Variants in THEMIS observed in about 807,000 individuals in gnomAD.
THEMIS encodes the protein protein THEMIS.
In THEMIS, 37 loss-of-function variants were observed where a neutral mutation model predicts 52.6. The ratio of observed to expected loss-of-function variants is 0.70; its 90% CI spans 0.54 to 0.93. The LOEUF (loss-of-function observed/expected upper bound fraction) is 0.93, where lower values mean the gene tolerates loss of function less well. Among genes scored for constraint, THEMIS ranks in the 40% least tolerant of loss-of-function variants. The pLI is 0.00. For synonymous variants in THEMIS, 292 were observed against 272.7 expected (o/e 1.07, Z -0.70); for missense variants, 808 against 763.1 (o/e 1.06, Z -0.69).
intron 2 of THEMIS, among the ~76,000 whole-genome samples, chr6:127,833,738 A>C (rs1041433404): frequency 6.6e-6 from 1 of 152,148 alleles, no homozygotes; most frequent in Non-Finnish European, 1.5e-5. Flanking sequence ...AGATGAATAG[A>C]GATACTTGAG....
At chr6:127,834,291 C>T (rs1176857969) in intron 2 of THEMIS, among the ~76,000 whole-genome samples, 1 of 151,948 alleles carries the variant, frequency 6.6e-6, no homozygotes, top group Admixed American at 6.6e-5. Context: ...TGATTTGGGG[C>T]CAGGCGTGGT....
At chr6:127,701,722 T>C in the THEMIS span, among the ~76,000 whole-genome samples, 3 of 152,196 alleles carry the variant, frequency 2.0e-5, no homozygotes, top group Non-Finnish European at 4.4e-5. Context: ...AAAAAAACTT[T>C]TAGCCATCTG....
intron 2 of THEMIS, among the ~76,000 whole-genome samples, chr6:127,854,705 G>A (rs1779556999): frequency 6.6e-6 from 1 of 151,768 alleles, no homozygotes; most frequent in African/African-American, 2.4e-5. Flanking sequence ...TAGTTCTACA[G>A]AATTTATGAA....
At chr6:127,728,021 G>A (rs919147026) in intron 4 of THEMIS, among the ~76,000 whole-genome samples, 1 of 152,064 alleles carries the variant, frequency 6.6e-6, no homozygotes, top group African/African-American at 2.4e-5. Flanking sequence ...TTCATCTTCA[G>A]GATCCCTCTC....
At chr6:127,697,188 T>A in the THEMIS span, among the ~76,000 whole-genome samples, 1 of 152,194 alleles carries the variant, frequency 6.6e-6, no homozygotes, top group African/African-American at 2.4e-5. Context: ...CTATTCTTTA[T>A]TATAGTCAAT....
chr6:127,717,950 G>T (rs1180754874), intron 5 of THEMIS, among the ~76,000 whole-genome samples: 1 of 151,688 alleles, frequency 6.6e-6, no homozygotes, highest in African/African-American at 2.4e-5. Flanking sequence ...GAAAAGGCCT[G>T]CTCTACCCAT....
intron 4 of THEMIS, among the ~76,000 whole-genome samples, chr6:127,747,365 A>C (rs1775483393): frequency 1.4e-5 from 2 of 144,902 alleles, no homozygotes; most frequent in South Asian, 4.3e-4. Flanking sequence ...TATATAATAT[A>C]ATATTATATT....
chr6:127,737,193 A>T (rs1219253251), intron 4 of THEMIS, among the ~76,000 whole-genome samples: 1 of 152,182 alleles, frequency 6.6e-6, no homozygotes, highest in Non-Finnish European at 1.5e-5. Flanking sequence ...CAGTGTCATT[A>T]TATCTATGCA....
At chr6:127,724,184 T>TA (rs887239152) in intron 4 of THEMIS, among the ~76,000 whole-genome samples, 3 of 152,096 alleles carry the variant, frequency 2.0e-5, no homozygotes, top group Admixed American at 1.3e-4. Flanking sequence ...GTTTTATCCA[T>TA]AAAAAACACA....
intron 2 of THEMIS, among the ~76,000 whole-genome samples, chr6:127,838,366 A>C (rs2114687239): frequency 6.6e-6 from 1 of 152,194 alleles, no homozygotes; most frequent in South Asian, 2.1e-4. Flanking sequence ...CACAATTATA[A>C]ACCATTTGAA....
intron 1 of THEMIS, among the ~76,000 whole-genome samples, chr6:127,900,155 A>G (rs1781094913): frequency 1.3e-5 from 2 of 151,766 alleles, no homozygotes; most frequent in East Asian, 3.9e-4. Context: ...CAAACTAACC[A>G]TGTAAAGATT....
intron 4 of THEMIS, among the ~76,000 whole-genome samples, chr6:127,746,971 TATATTATATATAATTATATATAG>T (rs1775443717): frequency 3.5e-5 from 3 of 86,218 alleles, no homozygotes; most frequent in East Asian, 7.5e-4. Flanking sequence ...TATCTATAAT[TATATTATATATAATTATATATAG>T]ATATCTATAA....
At chr6:127,758,413 A>G (rs1258398817) in intron 4 of THEMIS, among the ~76,000 whole-genome samples, 1 of 147,940 alleles carries the variant, frequency 6.8e-6, no homozygotes, top group African/African-American at 2.5e-5. Flanking sequence ...TTACCTTATA[A>G]TAAATATATA....
rs1774294830 is a variant in THEMIS at position 127,719,688 on chromosome 6, C to T, written c.1894G>A (p.Glu632Lys). 1.9e-6 allele frequency: 3 copies of T among 1,609,774 alleles called. No homozygotes were observed. Among genetic ancestry groups the T allele is most frequent in the Non-Finnish European group, 2.5e-6 (3 of 1,177,964 alleles). ...RSNRGATAIAETFKNEKHQK is the reference protein window; with the variant it reads ...RSNRGATAIAKTFKNEKHQK Reference sequence around the variant, plus strand: ...AACTGACCTATAGTCACATCAGTACCTGCTATTGCTGTGGCCCCACGGTTG... The same window carrying T: ...AACTGACCTATAGTCACATCAGTACTTGCTATTGCTGTGGCCCCACGGTTG... Residue 632 changes from glutamate to lysine, a missense_variant and splice_region_variant, in exon 5 of 6, where the codon GAA becomes AAA. By Grantham distance (56) the Glu-to-Lys change is moderately conservative (BLOSUM62 1). Coordinates refer to ENST00000368248, the MANE Select transcript of THEMIS (RefSeq NM_001010923.3).
In THEMIS at chr6:127,901,017, G is replaced by T; in HGVS notation, c.-85C>A. The stretch of plus-strand genomic sequence containing the variant: ...ACACTTGTCTGCAATTGCAGCCCCT[G>T]CTCACCATTTCTTCCTCAGGCAGGC... On this transcript the variant is annotated 5_prime_UTR_variant, in exon 1 of 6. Coordinates refer to ENST00000368248, the MANE Select transcript of THEMIS (RefSeq NM_001010923.3). The T allele has an allele frequency of 9.5e-7, 1 of 1,049,126 alleles. No homozygotes were observed. Among genetic ancestry groups the T allele is most frequent in the Non-Finnish European group, 1.5e-6 (1 of 670,692 alleles). 65.0% of individuals were successfully genotyped at this position (1,049,126 alleles called of 1,614,324 possible). A position where few individuals can be genotyped will look rare whatever the true frequency, so the allele number is the denominator to read the frequency against.
At chr6:127,711,813 G>A (rs980844876) in intron 5 of THEMIS, among the ~76,000 whole-genome samples, 1 of 151,860 alleles carries the variant, frequency 6.6e-6, no homozygotes, top group Non-Finnish European at 1.5e-5. Context: ...CAGGGGGATG[G>A]GATGAAGGAA....
At chr6:127,722,160 A>G (rs1444140759) in intron 4 of THEMIS, among the ~76,000 whole-genome samples, 1 of 151,956 alleles carries the variant, frequency 6.6e-6, no homozygotes, top group Non-Finnish European at 1.5e-5. Context: ...TTTTCCTGGA[A>G]ACAGTTCCCA....
In THEMIS at chr6:127,869,552, G is replaced by A. The variant is rs188911664; in HGVS notation, c.92-14364C>T. 2.3e-3 allele frequency among the ~76,000 whole-genome samples: 356 copies of A among 152,250 alleles called. 1 individual carries two copies. Among genetic ancestry groups the A allele is most frequent in the Non-Finnish European group, 3.5e-3 (235 of 68,022 alleles). On this transcript the variant is annotated intron_variant, in intron 1 of 5. Coordinates refer to ENST00000368248, the MANE Select transcript of THEMIS (RefSeq NM_001010923.3). The stretch of plus-strand genomic sequence containing the variant: ...TCGTAAATCAAACTACTAAGTTGGG[G>A]GCTGTCTGTATTTGCGGAGTTCCAG...
At chr6:127,734,429 C>T (rs766185261) in intron 4 of THEMIS, among the ~76,000 whole-genome samples, 5 of 152,126 alleles carry the variant, frequency 3.3e-5, no homozygotes, top group Non-Finnish European at 5.9e-5. Context: ...CCTGAGTTAA[C>T]GGTTGATGAA....
Sources: gnomAD v4.1 joint callset for allele counts (sites outside exome capture counted in the v4.1 genomes callset) on GRCh38, gnomAD v4.1.1 for gene constraint, MANE v1.5 for transcripts, NCBI Gene and HGNC (gene_info 2026-07-23, HGNC 2026-07-21) for gene names.